Variants in TENM1 observed in about 807,000 individuals in gnomAD.
TENM1 encodes teneurin transmembrane protein 1.
Under a neutral mutation model 174.8 loss-of-function variants are expected in TENM1, and 35 were observed. The ratio of observed to expected loss-of-function variants is 0.20; its 90% CI spans 0.15 to 0.27. The LOEUF (loss-of-function observed/expected upper bound fraction) is 0.27. Ranked by LOEUF, TENM1 falls within the 10% of genes least tolerant of loss-of-function variation. The pLI is 1.00. For synonymous variants in TENM1, 781 were observed against 798.7 expected, an observed-to-expected ratio of 0.98 and a Z score of 0.37; for missense variants, 1,633 against 2,130.1, an observed-to-expected ratio of 0.77 and a Z score of 4.59.
chrX:124,518,622 C>T (rs2047772009), intron 18 of TENM1, among the ~76,000 whole-genome samples: 1 of 111,759 alleles, frequency 8.9e-6, no homozygotes, highest in African/African-American at 3.3e-5. Flanking sequence ...TACAATGTGC[C>T]AAGCATTTTA....
the TENM1 span, among the ~76,000 whole-genome samples, chrX:125,160,568 A>G: frequency 1.9e-5 from 2 of 104,849 alleles, no homozygotes; most frequent in African/African-American, 7.0e-5. Context: ...AAAAAAAAAA[A>G]ACAGAGAGAG....
chrX:124,435,891 G>T (rs2060831545), intron 23 of TENM1, among the ~76,000 whole-genome samples: 1 of 111,557 alleles, frequency 9.0e-6, no homozygotes, highest in Admixed American at 9.5e-5. Flanking sequence ...AAGCATGCGG[G>T]CTATAGACTT....
At chrX:125,076,404 G>A in the TENM1 span, among the ~76,000 whole-genome samples, 1 of 111,803 alleles carries the variant, frequency 8.9e-6, no homozygotes, top group East Asian at 2.8e-4. Flanking sequence ...GGTCCCATGT[G>A]TTAACCAACA....
the TENM1 span, among the ~76,000 whole-genome samples, chrX:125,024,642 T>C: frequency 6.3e-5 from 7 of 111,236 alleles, no homozygotes; most frequent in Admixed American, 4.8e-4. Context: ...ATACTACCTA[T>C]TGGGTACAGT....
chrX:124,399,265 G>A (rs2060372765), intron 27 of TENM1, among the ~76,000 whole-genome samples: 1 of 111,858 alleles, frequency 8.9e-6, no homozygotes, highest in African/African-American at 3.3e-5. Flanking sequence ...ATCTGGTAAG[G>A]TGTTATAAAT....
At chrX:124,991,302 C>G in the TENM1 span, among the ~76,000 whole-genome samples, 1 of 111,466 alleles carries the variant, frequency 9.0e-6, no homozygotes, top group Admixed American at 9.6e-5. Context: ...ACCATCTCTT[C>G]TTAAAAGAGG....
At chrX:125,063,234 C>T in the TENM1 span, among the ~76,000 whole-genome samples, 1 of 111,890 alleles carries the variant, frequency 8.9e-6, no homozygotes, top group East Asian at 2.8e-4. Context: ...GACTTCAAAA[C>T]GTTCATGGAA....
At chrX:125,064,544 T>C in the TENM1 span, among the ~76,000 whole-genome samples, 2 of 111,807 alleles carry the variant, frequency 1.8e-5, no homozygotes, top group Admixed American at 1.9e-4. Flanking sequence ...TAAGATGATG[T>C]TGAAGATGAA....
At chrX:125,018,217 A>G in the TENM1 span, among the ~76,000 whole-genome samples, 1 of 111,357 alleles carries the variant, frequency 9.0e-6, no homozygotes, top group Non-Finnish European at 1.9e-5. Context: ...GATTATGACC[A>G]GTGCTAGGAC....
intron 11 of TENM1, among the ~76,000 whole-genome samples, chrX:124,601,266 C>T (rs1035523623): frequency 2.7e-5 from 3 of 111,051 alleles, no homozygotes; most frequent in Admixed American, 9.6e-5. Context: ...GAGACAAAAC[C>T]ATGTTTAAAA....
chrX:124,833,979 G>A (rs1259091483), intron 3 of TENM1, among the ~76,000 whole-genome samples: 2 of 110,261 alleles, frequency 1.8e-5, no homozygotes, highest in Admixed American at 1.9e-4. Context: ...AAACAGCTCC[G>A]ACCAATCTGA....
the TENM1 span, among the ~76,000 whole-genome samples, chrX:125,149,345 C>T: frequency 9.0e-6 from 1 of 111,723 alleles, no homozygotes; most frequent in South Asian, 3.7e-4. Context: ...AATTAACTTC[C>T]TCTATCTGCC....
chrX:124,453,865 C>T (rs1406737296), intron 22 of TENM1, among the ~76,000 whole-genome samples: 3 of 111,451 alleles, frequency 2.7e-5, no homozygotes, highest in Non-Finnish European at 5.6e-5. Context: ...AATGCACAGG[C>T]TGCTGCTTAT....
At chrX:125,049,512 T>C in the TENM1 span, among the ~76,000 whole-genome samples, 4 of 112,065 alleles carry the variant, frequency 3.6e-5, no homozygotes, top group East Asian at 1.1e-3. Flanking sequence ...TGAGTACAAG[T>C]TTTTGTGTGG....
At chrX:124,915,812 G>A (rs1324383895) in intron 1 of TENM1, among the ~76,000 whole-genome samples, 1 of 111,574 alleles carries the variant, frequency 9.0e-6, no homozygotes, top group Non-Finnish European at 1.9e-5. Context: ...TCATACAGAT[G>A]GAAAAAAGGG....
chrX:124,558,534 T>A (rs763340747), intron 14 of TENM1, among the ~76,000 whole-genome samples: 41 of 111,600 alleles, frequency 3.7e-4, no homozygotes, highest in African/African-American at 1.3e-3. Context: ...TAGACTAATA[T>A]TAATATTAAG....
intron 6 of TENM1, among the ~76,000 whole-genome samples, chrX:124,665,937 C>A (rs2051749276): frequency 8.9e-6 from 1 of 111,874 alleles, no homozygotes; most frequent in South Asian, 3.8e-4. Flanking sequence ...TTCTCTGCCC[C>A]TAGAAACGGT....
At chrX:124,497,031 C>A in exon 20 of TENM1, 2 of 1,209,920 alleles carry the variant, frequency 1.7e-6, no homozygotes, top group Non-Finnish European at 1.1e-6. Context: ...TTCCAAAATA[C>A]TAACGGAGTT....
At chrX:124,634,535 G>T (rs1253357181) in intron 11 of TENM1, among the ~76,000 whole-genome samples, 2 of 110,943 alleles carry the variant, frequency 1.8e-5, no homozygotes, top group African/African-American at 6.5e-5. Flanking sequence ...TATCCTCATG[G>T]TGTTTGCATT....
Sources: allele counts gnomAD v4.1 joint callset (sites outside exome capture counted in the v4.1 genomes callset), GRCh38; gene constraint gnomAD v4.1.1; transcripts MANE v1.5; gene names NCBI Gene and HGNC (gene_info 2026-07-23, HGNC 2026-07-21).